Variants in PDE4D observed in about 807,000 individuals in gnomAD.
PDE4D encodes the protein phosphodiesterase 4D.
PDE4D carries 24 observed loss-of-function variants against 87.4 expected under a neutral mutation model. That is an observed-to-expected ratio of 0.27 (90% CI 0.20 to 0.39). PDE4D has a LOEUF of 0.39. Ranked by LOEUF, PDE4D falls within the 10% of genes least tolerant of loss-of-function variation. PDE4D has a pLI of 1.00. For missense variants in PDE4D, 714 were observed against 1,041.0 expected (o/e 0.69, Z 4.32); for synonymous variants, 384 against 383.2 (o/e 1.00, Z -0.02).
intron 1 of PDE4D, among the ~76,000 whole-genome samples, chr5:60,468,021 T>C (rs1230852924): frequency 6.6e-6 from 1 of 151,972 alleles, no homozygotes; most frequent in Non-Finnish European, 1.5e-5. Flanking sequence ...CTAAGGAAAG[T>C]CCTATGATAA....
At chr5:60,308,499 A>T (rs1417233758) in intron 1 of PDE4D, among the ~76,000 whole-genome samples, 1 of 152,122 alleles carries the variant, frequency 6.6e-6, no homozygotes, top group Non-Finnish European at 1.5e-5. Context: ...ACCAATAATA[A>T]CAAATCTTTG....
At chr5:60,447,778 C>A (rs550847535) in intron 1 of PDE4D, among the ~76,000 whole-genome samples, 1 of 152,118 alleles carries the variant, frequency 6.6e-6, no homozygotes, top group African/African-American at 2.4e-5. Flanking sequence ...GACAAGGACA[C>A]CAAGCTACAG....
chr5:59,848,768 A>G (rs1744251268), intron 1 of PDE4D, among the ~76,000 whole-genome samples: 1 of 152,086 alleles, frequency 6.6e-6, no homozygotes, highest in African/African-American at 2.4e-5. Context: ...TATCAGCTGT[A>G]AAGTGTTCAA....
intron 1 of PDE4D, among the ~76,000 whole-genome samples, chr5:60,464,884 G>A (rs1209642404): frequency 2.0e-5 from 3 of 152,098 alleles, no homozygotes; most frequent in African/African-American, 7.2e-5. Context: ...GGAGGATGGT[G>A]GGAAGCCAGG....
At chr5:59,314,414 C>T (rs1467057122) in intron 1 of PDE4D, 1 of 152,072 alleles carries the variant, frequency 6.6e-6, no homozygotes. Flanking sequence ...CTGCCCCATA[C>T]AGAGGATTCA....
At chr5:59,258,864 G>C (rs1365399743) in intron 1 of PDE4D, among the ~76,000 whole-genome samples, 1 of 151,158 alleles carries the variant, frequency 6.6e-6, no homozygotes, top group East Asian at 1.9e-4. Context: ...AGTTAGAAGT[G>C]ATACTGATTT....
intron 5 of PDE4D, among the ~76,000 whole-genome samples, chr5:59,077,475 C>CTTT (rs33910828): frequency 0.011 from 1,498 of 130,936 alleles, 35 homozygotes; most frequent in African/African-American, 0.04. Context: ...TTTTTTTCTT[C>CTTT]TTTTTTTTTT....
At chr5:59,815,868 G>A (rs757665099) in intron 1 of PDE4D, among the ~76,000 whole-genome samples, 13 of 152,200 alleles carry the variant, frequency 8.5e-5, no homozygotes, top group Non-Finnish European at 1.5e-4. Context: ...CCTCAGCCCT[G>A]TCCTGATCGA....
At chr5:59,863,070 A>G (rs1746513524) in intron 1 of PDE4D, among the ~76,000 whole-genome samples, 1 of 152,228 alleles carries the variant, frequency 6.6e-6, no homozygotes, top group Non-Finnish European at 1.5e-5. Context: ...CAACATTAAG[A>G]ACTGCTAGGG....
At chr5:59,608,161 C>T (rs1561314073) in intron 1 of PDE4D, among the ~76,000 whole-genome samples, 1 of 152,070 alleles carries the variant, frequency 6.6e-6, no homozygotes, top group Admixed American at 6.6e-5. Flanking sequence ...TCCTTTAACA[C>T]GTTTCAACAA....
At chr5:59,875,626 A>G (rs1748473463) in intron 1 of PDE4D, among the ~76,000 whole-genome samples, 1 of 151,932 alleles carries the variant, frequency 6.6e-6, no homozygotes, top group African/African-American at 2.4e-5. Context: ...CCCCACTGGC[A>G]TCCCTTATTT....
chr5:59,108,439 CAT>C (rs1236167710), intron 5 of PDE4D, among the ~76,000 whole-genome samples: 1 of 152,006 alleles, frequency 6.6e-6, no homozygotes, highest in African/African-American at 2.4e-5. Flanking sequence ...GATTAGTGTA[CAT>C]GTGTATGTGC....
intron 1 of PDE4D, among the ~76,000 whole-genome samples, chr5:60,198,703 T>G (rs1445778808): frequency 2.0e-5 from 3 of 151,630 alleles, no homozygotes; most frequent in Non-Finnish European, 4.4e-5. Context: ...GCTCTAAGAA[T>G]CAAGGTAAAT....
chr5:60,466,137 T>C (rs1385205063), intron 1 of PDE4D, among the ~76,000 whole-genome samples: 1 of 152,196 alleles, frequency 6.6e-6, no homozygotes, highest in Non-Finnish European at 1.5e-5. Flanking sequence ...GTTTGGGTGA[T>C]CTGCCATTGC....
At chr5:59,052,000 T>C (rs1002902774) in intron 5 of PDE4D, among the ~76,000 whole-genome samples, 2 of 152,126 alleles carry the variant, frequency 1.3e-5, no homozygotes, top group Non-Finnish European at 2.9e-5. Flanking sequence ...TCCATACATA[T>C]TTATTGAGCC....
rs570950018 is a variant in PDE4D, at chr5:59,746,876, C to G, written c.455+146292G>C. ...CTTTCTCATTCTTCTCTGCTGCTTC[C>G]AGACCATGATCTCTTCCTTGCCCTA... On this transcript the variant is annotated intron_variant, in intron 1 of 14. Transcript: ENST00000340635. Among the ~76,000 whole-genome samples the G allele has an allele frequency of 2.6e-5, 4 of 152,198 alleles. No homozygotes were observed. The East Asian group carries it at 7.7e-4, about 29-fold the overall frequency.
At chr5:59,024,320 C>G (rs1755816280) in intron 6 of PDE4D, among the ~76,000 whole-genome samples, 1 of 151,516 alleles carries the variant, frequency 6.6e-6, no homozygotes, top group African/African-American at 2.4e-5. Flanking sequence ...CCTGCTCAGC[C>G]TCCCGAGTAG....
At chr5:59,208,871 C>T (rs1374891619) in intron 2 of PDE4D, among the ~76,000 whole-genome samples, 2 of 152,162 alleles carry the variant, frequency 1.3e-5, no homozygotes, top group Non-Finnish European at 2.9e-5. Flanking sequence ...ATGACCTTAG[C>T]ATATTTTGCC....
chr5:59,081,520 A>AAAAAAAAAG (rs1766766467), intron 5 of PDE4D, among the ~76,000 whole-genome samples: 3 of 149,370 alleles, frequency 2.0e-5, no homozygotes, highest in African/African-American at 4.9e-5. Flanking sequence ...TAATCAGGTA[A>AAAAAAAAAG]AAAAAAAAAA....
Sources: allele counts gnomAD v4.1 joint callset (sites outside exome capture counted in the v4.1 genomes callset), GRCh38; gene constraint gnomAD v4.1.1; transcripts MANE v1.5; gene names NCBI Gene and HGNC (gene_info 2026-07-23, HGNC 2026-07-21).